WWOX: variants seen among roughly 807,000 people sequenced by gnomAD.
WWOX encodes WW domain containing oxidoreductase, also known as WW domain-containing oxidoreductase.
WWOX carries 69 observed loss-of-function variants against 46.2 expected under a neutral mutation model. The observed-to-expected ratio is 1.49, with a 90% confidence interval of 1.23 to 1.82. The LOEUF (loss-of-function observed/expected upper bound fraction) is 1.82. Among genes scored for constraint, WWOX ranks in the 40% most tolerant of loss-of-function variants. The probability of loss-of-function intolerance (pLI) is 0.00; values close to 1 mark genes in which losing one functional copy is unlikely to be tolerated. For synonymous variants in WWOX, 359 were observed against 202.6 expected, an observed-to-expected ratio of 1.77 and a Z score of -6.56; for missense variants, 919 against 542.6, an observed-to-expected ratio of 1.69 and a Z score of -6.89.
chr16:78,578,763 C>T (rs541391025), intron 8 of WWOX, among the ~76,000 whole-genome samples: 2 of 152,242 alleles, frequency 1.3e-5, no homozygotes, highest in South Asian at 2.1e-4. Context: ...TGAATACAAC[C>T]GCATGGTTTT....
chr16:78,755,528 C>G (rs2049622366), intron 8 of WWOX, among the ~76,000 whole-genome samples: 1 of 152,116 alleles, frequency 6.6e-6, no homozygotes, highest in African/African-American at 2.4e-5. Flanking sequence ...TGGCTGTATC[C>G]TGGTGTTGTA....
At chr16:79,007,119 A>G (rs979195492) in intron 8 of WWOX, among the ~76,000 whole-genome samples, 3 of 152,180 alleles carry the variant, frequency 2.0e-5, no homozygotes, top group Admixed American at 6.5e-5. Flanking sequence ...ACAATAGCAA[A>G]TGACACAGAC....
intron 8 of WWOX, among the ~76,000 whole-genome samples, chr16:78,729,168 C>T (rs905836371): frequency 6.6e-6 from 1 of 151,624 alleles, no homozygotes. Context: ...CATGGTGAAA[C>T]CTTATCCGTA....
chr16:78,922,620 C>A (rs570241292), intron 8 of WWOX, among the ~76,000 whole-genome samples: 20 of 152,252 alleles, frequency 1.3e-4, no homozygotes, highest in African/African-American at 4.6e-4. Context: ...CTTAGGTGAT[C>A]CCCTCACCTT....
intron 8 of WWOX, among the ~76,000 whole-genome samples, chr16:78,986,069 G>C (rs2046778861): frequency 6.6e-6 from 1 of 152,230 alleles, no homozygotes; most frequent in African/African-American, 2.4e-5. Flanking sequence ...ACGATGGCAT[G>C]GGAGCGTGTG....
At chr16:78,378,184 T>G (rs541837894) in intron 5 of WWOX, among the ~76,000 whole-genome samples, 1 of 152,194 alleles carries the variant, frequency 6.6e-6, no homozygotes, top group African/African-American at 2.4e-5. Context: ...TGTGGTTCTG[T>G]GTTTTAAAAT....
At chr16:79,075,151 G>A (rs142943502) in intron 8 of WWOX, among the ~76,000 whole-genome samples, 1 of 152,296 alleles carries the variant, frequency 6.6e-6, no homozygotes, top group African/African-American at 2.4e-5. Flanking sequence ...ACAACCAACT[G>A]AATTAGAATC....
At chr16:78,765,912 C>G (rs567219370) in intron 8 of WWOX, among the ~76,000 whole-genome samples, 3 of 152,228 alleles carry the variant, frequency 2.0e-5, no homozygotes, top group East Asian at 3.9e-4. Context: ...GGCTTCCATG[C>G]CCATTGGTGT....
At chr16:79,194,399 C>T (rs938758500) in intron 8 of WWOX, among the ~76,000 whole-genome samples, 2 of 152,130 alleles carry the variant, frequency 1.3e-5, no homozygotes, top group African/African-American at 2.4e-5. Context: ...AGTGAGATCA[C>T]AGTCTAACAG....
intron 5 of WWOX, among the ~76,000 whole-genome samples, chr16:78,370,171 G>C (rs1350222985): frequency 6.8e-6 from 1 of 146,722 alleles, no homozygotes; most frequent in Non-Finnish European, 1.5e-5. Flanking sequence ...CTAGATGCCA[G>C]ACAATCTGGG....
intron 8 of WWOX, among the ~76,000 whole-genome samples, chr16:78,633,304 A>T (rs904486904): frequency 5.9e-5 from 9 of 152,146 alleles, no homozygotes; most frequent in African/African-American, 2.2e-4. Context: ...AGGATTGCAG[A>T]GCATAAGTAT....
At chr16:79,025,194 A>G (rs1324264108) in intron 8 of WWOX, among the ~76,000 whole-genome samples, 1 of 152,206 alleles carries the variant, frequency 6.6e-6, no homozygotes, top group Non-Finnish European at 1.5e-5. Context: ...TGTTTCAGAA[A>G]GACAATGTCA....
rs114054400 is a variant in WWOX, at chr16:78,413,443, G to A, written c.606-11427G>A. ...CATAGGCGGTAGAGTTAGGAGCAATGTTTTTGGGGCAGCGGGTGGATCTCA... is the reference window on the plus strand; with the variant it reads ...CATAGGCGGTAGAGTTAGGAGCAATATTTTTGGGGCAGCGGGTGGATCTCA... On this transcript the variant is annotated intron_variant, in intron 6 of 8. Coordinates refer to ENST00000566780, the MANE Select transcript of WWOX (RefSeq NM_016373.4). 6.8e-3 allele frequency among the ~76,000 whole-genome samples: 1,031 copies of A among 152,298 alleles called. 10 individuals carry two copies. The highest frequency in any genetic ancestry group is 0.024 in the African/African-American group (995 of 41,586).
At chr16:78,638,209 C>T (rs545446980) in intron 8 of WWOX, among the ~76,000 whole-genome samples, 1 of 152,294 alleles carries the variant, frequency 6.6e-6, no homozygotes, top group East Asian at 1.9e-4. Context: ...TTTGTATTCC[C>T]ATTTTGCAGA....
intron 8 of WWOX, among the ~76,000 whole-genome samples, chr16:78,583,271 C>G (rs74566711): frequency 6.6e-6 from 1 of 152,150 alleles, no homozygotes; most frequent in African/African-American, 2.4e-5. Flanking sequence ...ACAACTGATT[C>G]TCTTGGCCCT....
At chr16:78,512,059 A>G (rs947685768) in intron 8 of WWOX, among the ~76,000 whole-genome samples, 4 of 152,232 alleles carry the variant, frequency 2.6e-5, no homozygotes, top group African/African-American at 7.2e-5. Flanking sequence ...TTCAAACACA[A>G]GTTATTCCAT....
chr16:78,975,192 C>T (rs1028107880), intron 8 of WWOX, among the ~76,000 whole-genome samples: 34 of 152,174 alleles, frequency 2.2e-4, no homozygotes, highest in Non-Finnish European at 3.7e-4. Context: ...TAGTGAACAC[C>T]TATACGAATT....
intron 8 of WWOX, among the ~76,000 whole-genome samples, chr16:78,478,708 T>C (rs1477271363): frequency 6.6e-6 from 1 of 152,218 alleles, no homozygotes; most frequent in Non-Finnish European, 1.5e-5. Context: ...GCTCCAAAGG[T>C]GCTTAATTTC....
rs182791253 is a variant in WWOX, at chr16:78,345,874, A to G, written c.517-40986A>G. ...GGTTTGATCAACTTTGTTGCGGTCT[A>G]ATTTATGTAAAATAAATTGCATCCA... is the stretch of plus-strand genomic sequence containing the variant. On this transcript the variant is annotated intron_variant, in intron 5 of 8. Coordinates refer to ENST00000566780, the MANE Select transcript of WWOX (RefSeq NM_016373.4). Among the ~76,000 whole-genome samples the G allele has an allele frequency of 1.6e-4, 19 of 119,494 alleles. No homozygotes were observed. The East Asian group carries it at 3.7e-3, about 23-fold the overall frequency. The allele number at this position is 119,494 out of a possible 152,430, so 78.4% of individuals were successfully genotyped here.
Sources: gnomAD v4.1 joint callset for allele counts (sites outside exome capture counted in the v4.1 genomes callset) on GRCh38, gnomAD v4.1.1 for gene constraint, MANE v1.5 for transcripts, NCBI Gene and HGNC (gene_info 2026-07-23, HGNC 2026-07-21) for gene names.